The following KSR2 variants were observed in gnomAD, a reference collection of about 807,000 sequenced individuals.
KSR2 encodes kinase suppressor of ras 2.
Under a neutral mutation model 107.8 loss-of-function variants are expected in KSR2, and 25 were observed. The observed-to-expected ratio is 0.23, with a 90% CI of 0.17 to 0.32. The LOEUF (loss-of-function observed/expected upper bound fraction) is 0.32, where lower values mean the gene tolerates loss of function less well. Among genes scored for constraint, KSR2 ranks in the 10% least tolerant of loss-of-function variants. KSR2 has a pLI of 1.00. For missense variants in KSR2, 887 were observed against 1,268.9 expected, an observed-to-expected ratio of 0.70 and a Z score of 4.57; for synonymous variants, 480 against 507.0, an observed-to-expected ratio of 0.95 and a Z score of 0.71.
intron 7 of KSR2, among the ~76,000 whole-genome samples, chr12:117,565,932 G>A (rs893059687): frequency 5.3e-5 from 8 of 152,122 alleles, no homozygotes; most frequent in Non-Finnish European, 8.8e-5. Context: ...CTTTTTAACT[G>A]TTACTTTTCC....
intron 3 of KSR2, among the ~76,000 whole-genome samples, chr12:117,773,760 T>G (rs553442689): frequency 6.6e-6 from 1 of 152,372 alleles, no homozygotes; most frequent in South Asian, 2.1e-4. Flanking sequence ...CATAACTTTC[T>G]GGCAAGAGAC....
chr12:117,655,374 T>C (rs536971830), intron 5 of KSR2, among the ~76,000 whole-genome samples: 4 of 152,324 alleles, frequency 2.6e-5, no homozygotes, highest in African/African-American at 4.8e-5. Context: ...GCTGGATTGA[T>C]AGAACGGTGG....
intron 5 of KSR2, among the ~76,000 whole-genome samples, chr12:117,662,126 T>C (rs1397604644): frequency 6.6e-6 from 1 of 152,084 alleles, no homozygotes; most frequent in African/African-American, 2.4e-5. Flanking sequence ...CCCCAGCTCA[T>C]TTTGGGGGAA....
chr12:117,509,227 C>T (rs995994232), intron 14 of KSR2, among the ~76,000 whole-genome samples: 1 of 152,116 alleles, frequency 6.6e-6, no homozygotes, highest in Non-Finnish European at 1.5e-5. Flanking sequence ...TAGAGTCACA[C>T]AGTGGTAGAA....
intron 5 of KSR2, among the ~76,000 whole-genome samples, chr12:117,595,351 CTTTTTTTTTTTTT>C (rs71099060): frequency 4.2e-5 from 4 of 94,584 alleles, no homozygotes; most frequent in Non-Finnish European, 7.6e-5. Context: ...AGATCAAATT[CTTTTTTTTTTTTT>C]TTTTTTTTTT....
At chr12:117,558,595 A>G (rs766451797) in intron 7 of KSR2, 22 bp from the exon 8 acceptor site, 3 of 1,600,504 alleles carry the variant, frequency 1.9e-6, no homozygotes, top group African/African-American at 2.7e-5. Context: ...AAAGAGAGAG[A>G]AAGATGGATA....
chr12:117,800,523 T>A (rs1004746360), intron 3 of KSR2, among the ~76,000 whole-genome samples: 1 of 152,178 alleles, frequency 6.6e-6, no homozygotes, highest in African/African-American at 2.4e-5. Context: ...GATAGTGTAT[T>A]AGTCCATTCT....
At chr12:117,683,541 T>C (rs903649644) in intron 4 of KSR2, among the ~76,000 whole-genome samples, 7 of 152,216 alleles carry the variant, frequency 4.6e-5, no homozygotes, top group Non-Finnish European at 7.3e-5. Flanking sequence ...TATATGTCTA[T>C]TGGAACATTT....
rs573212999 is a variant in KSR2 at position 117,490,489 on chromosome 12, T to C, written c.2220-4798A>G. Among the ~76,000 whole-genome samples the C allele has an allele frequency of 5.9e-5, 9 of 152,352 alleles. No homozygotes were observed. The South Asian group carries it at 1.9e-3, about 32-fold the overall frequency. On this transcript the variant is annotated intron_variant, in intron 14 of 19. Coordinates refer to ENST00000339824, the MANE Select transcript of KSR2 (RefSeq NM_173598.6). ...GATGCACATCTCTAAAATCAGAATGTGTCCTGCAATCATTGACAGATCATA... is the reference window on the plus strand; with the variant it reads ...GATGCACATCTCTAAAATCAGAATGCGTCCTGCAATCATTGACAGATCATA...
intron 4 of KSR2, among the ~76,000 whole-genome samples, chr12:117,735,605 T>C (rs1887907814): frequency 6.6e-6 from 1 of 152,204 alleles, no homozygotes; most frequent in African/African-American, 2.4e-5. Context: ...GCATTTAAGA[T>C]ACCAGTGTCA....
chr12:117,817,644 A>G (rs1166095641), intron 3 of KSR2, among the ~76,000 whole-genome samples: 2 of 152,170 alleles, frequency 1.3e-5, no homozygotes, highest in Non-Finnish European at 2.9e-5. Flanking sequence ...AACTCTTGCT[A>G]TCAATGGCCC....
intron 1 of KSR2, among the ~76,000 whole-genome samples, chr12:117,934,054 A>C (rs1895771211): frequency 6.6e-6 from 1 of 152,182 alleles, no homozygotes; most frequent in African/African-American, 2.4e-5. Context: ...ATTCCTAGTA[A>C]TATGTTCTTT....
intron 1 of KSR2, among the ~76,000 whole-genome samples, chr12:117,945,600 G>A (rs1032282601): frequency 1.3e-5 from 2 of 152,184 alleles, no homozygotes; most frequent in Non-Finnish European, 1.5e-5. Context: ...CTTGAACCTC[G>A]GAGGTAGAGG....
chr12:117,616,878 C>T lies in KSR2; in HGVS notation c.1172-34519G>A, dbSNP rs574772113. Among the ~76,000 whole-genome samples the T allele has an allele frequency of 1.8e-4, 28 of 152,248 alleles. No homozygotes were observed. The South Asian group carries it at 5.8e-3, about 32-fold the overall frequency. On this transcript the variant is annotated intron_variant, in intron 5 of 19. Transcript: ENST00000339824. ...AGGCTCCATGATTCATCTTTTTATT[C>T]TTCCTTCTCTCCTTGCTTTCTTTCA...
At chr12:117,829,927 T>C (rs1170054975) in intron 3 of KSR2, among the ~76,000 whole-genome samples, 2 of 152,188 alleles carry the variant, frequency 1.3e-5, no homozygotes, top group African/African-American at 4.8e-5. Context: ...CTGGCCAGCA[T>C]TATCCTAAGT....
chr12:117,925,523 G>A (rs923640178), intron 1 of KSR2, among the ~76,000 whole-genome samples: 1 of 152,216 alleles, frequency 6.6e-6, no homozygotes, highest in Admixed American at 6.5e-5. Context: ...AATGCTGACA[G>A]TTTTTAATCA....
chr12:117,849,149 C>T (rs1478825045), intron 3 of KSR2, among the ~76,000 whole-genome samples: 3 of 152,118 alleles, frequency 2.0e-5, no homozygotes, highest in Non-Finnish European at 2.9e-5. Context: ...CTGCCCTAGC[C>T]ACCTTATTTA....
At chr12:117,615,490 C>T (rs1471096352) in intron 5 of KSR2, among the ~76,000 whole-genome samples, 1 of 152,182 alleles carries the variant, frequency 6.6e-6, no homozygotes, top group Non-Finnish European at 1.5e-5. Context: ...TTACTATGTC[C>T]ACCTAGTGAC....
At chr12:117,663,297 C>T (rs147401231) in intron 5 of KSR2, among the ~76,000 whole-genome samples, 1 of 152,260 alleles carries the variant, frequency 6.6e-6, no homozygotes, top group Admixed American at 6.5e-5. Flanking sequence ...TGACCTTGGG[C>T]CAACTGCTTA....
Sources: gnomAD v4.1 joint callset for allele counts (sites outside exome capture counted in the v4.1 genomes callset) on GRCh38, gnomAD v4.1.1 for gene constraint, MANE v1.5 for transcripts, NCBI Gene and HGNC (gene_info 2026-07-23, HGNC 2026-07-21) for gene names.